Variants in TMEM212 observed in about 807,000 individuals in gnomAD.
The protein encoded by TMEM212 is transmembrane protein 212.
A neutral mutation model predicts 20.5 loss-of-function variants in TMEM212; 23 were observed. That is an observed-to-expected ratio of 1.12 (90% confidence interval 0.81 to 1.59). TMEM212 has a LOEUF of 1.59. Among genes scored for constraint, TMEM212 ranks in the 40% most tolerant of loss-of-function variants. The pLI is 0.00. For synonymous variants in TMEM212, 76 were observed against 81.6 expected (o/e 0.93, Z 0.37); for missense variants, 211 against 215.0 (o/e 0.98, Z 0.12).
chr3:171,851,910 G>T, intron 1 of TMEM212, 72 bp from the exon 2 acceptor site: 4 of 1,357,030 alleles, frequency 2.9e-6, no homozygotes, highest in Non-Finnish European at 4.1e-6. Flanking sequence ...TTGTCAAACT[G>T]TGAGACAGAT....
Position 171,843,487 on chromosome 3 carries a change from C to T in TMEM212, c.104C>T (p.Pro35Leu), listed in dbSNP as rs1451147196. 2.0e-6 allele frequency: 3 copies of T among 1,537,040 alleles called. No individual in the cohort carries two copies. The highest frequency in any genetic ancestry group is 2.6e-6 in the Non-Finnish European group (3 of 1,146,802). Residue 35 changes from proline (P) to leucine (L), a missense_variant, in exon 1 of 5, where the codon CCT (proline) becomes CTT (leucine). Pro to Leu is a moderately conservative substitution (Grantham distance 98). Transcript: ENST00000334567. ...TTCTTTCCTGTCTTTTCTTACAAGC[C>T]TTGGTTCACAGGATGGAGTGTTCGA... is the stretch of plus-strand genomic sequence containing the variant. The part of the protein sequence containing the change: ...IAFFPVFSYK[P>L]WFTGWSVRIA...
At chr3:171,846,767 T>A (rs1724844786) in intron 1 of TMEM212, among the ~76,000 whole-genome samples, 1 of 152,242 alleles carries the variant, frequency 6.6e-6, no homozygotes, top group Non-Finnish European at 1.5e-5. Flanking sequence ...GTTATGTTTT[T>A]TTACTAGTGA....
chr3:171,857,176 G>A (rs1725138402), intron 4 of TMEM212, among the ~76,000 whole-genome samples: 1 of 152,012 alleles, frequency 6.6e-6, no homozygotes, highest in African/African-American at 2.4e-5. Flanking sequence ...TATGCTAATG[G>A]AAATAATGGT....
intron 3 of TMEM212, among the ~76,000 whole-genome samples, chr3:171,856,008 A>G (rs1487741858): frequency 1.3e-5 from 2 of 152,188 alleles, no homozygotes; most frequent in African/African-American, 4.8e-5. Context: ...TACAAATAAA[A>G]CTAAATAAAG....
chr3:171,853,417 C>T (rs879039339), intron 2 of TMEM212, 110 bp from the exon 3 acceptor site: 3 of 779,278 alleles, frequency 3.8e-6, no homozygotes, highest in Non-Finnish European at 5.7e-6. Flanking sequence ...CCCTCATTTT[C>T]CAATAGGAGA....
intron 1 of TMEM212, among the ~76,000 whole-genome samples, chr3:171,847,564 T>C (rs966438065): frequency 7.9e-5 from 12 of 152,180 alleles, no homozygotes; most frequent in Admixed American, 2.0e-4. Flanking sequence ...TTATTCAGGA[T>C]TATTGCAATA....
At chr3:171,849,685 A>G (rs1724926713) in intron 1 of TMEM212, among the ~76,000 whole-genome samples, 2 of 152,154 alleles carry the variant, frequency 1.3e-5, no homozygotes, top group Admixed American at 1.3e-4. Context: ...GATACCTCTT[A>G]AAGTTTCTAT....
chr3:171,846,557 A>G (rs569642518), intron 1 of TMEM212, among the ~76,000 whole-genome samples: 2 of 152,222 alleles, frequency 1.3e-5, no homozygotes, highest in Non-Finnish European at 2.9e-5. Flanking sequence ...TTGTTCAATA[A>G]GTATTGTTGA....
intron 2 of TMEM212, among the ~76,000 whole-genome samples, 164 bp downstream of exon 2, chr3:171,852,205 A>AT (rs990488653): frequency 9.0e-4 from 132 of 146,294 alleles, no homozygotes; most frequent in Admixed American, 1.8e-3. Context: ...GTTTTAAAAG[A>AT]TTTTTTTTTT....
At chr3:171,850,892 C>T (rs1316795284) in intron 1 of TMEM212, among the ~76,000 whole-genome samples, 1 of 151,924 alleles carries the variant, frequency 6.6e-6, no homozygotes, top group Non-Finnish European at 1.5e-5. Context: ...TCTCTAAATC[C>T]AACATTCAAA....
At position 171,853,569 on chromosome 3, in the gene TMEM212, T is replaced by C. The variant is rs747683365; in HGVS notation, c.262T>C (p.Cys88Arg). The change falls in exon 3 of 5, where the codon TGT (cysteine) becomes CGT (arginine). Residue 88 changes from cysteine (C) to arginine (R), a missense_variant. Physicochemically the swap from Cys to Arg is radical, Grantham distance 180. Transcript: ENST00000334567. ...CTTTGTGATTCTGAGCATTATGGGA[T>C]GTCCACTTCATTTTGCAATAGCCTT... Reference protein sequence around the residue: ...FTFVILSIMGCPLHFAIALES... With the variant: ...FTFVILSIMGRPLHFAIALES... 2 of 1,537,188 alleles carry C rather than the reference T, an allele frequency of 1.3e-6. No individual in the cohort carries two copies. The highest frequency in any genetic ancestry group is 2.4e-5 in the South Asian group (2 of 84,064).
At chr3:171,856,090 G>A (rs949394706) in intron 3 of TMEM212, among the ~76,000 whole-genome samples, 1 of 152,112 alleles carries the variant, frequency 6.6e-6, no homozygotes, top group Non-Finnish European at 1.5e-5. Context: ...GTCAATATGG[G>A]GGAAGGCTAA....
chr3:171,854,377 A>G (rs1012033532), intron 3 of TMEM212, among the ~76,000 whole-genome samples: 14 of 152,204 alleles, frequency 9.2e-5, no homozygotes, highest in African/African-American at 2.9e-4. Flanking sequence ...TCTACACACT[A>G]ACAACAAACA....
intron 2 of TMEM212, among the ~76,000 whole-genome samples, chr3:171,852,428 T>A (rs987245701): frequency 5.3e-5 from 8 of 152,210 alleles, no homozygotes; most frequent in African/African-American, 1.9e-4. Flanking sequence ...CTCAAACTCC[T>A]GACCTCAGGT....
chr3:171,845,949 C>T (rs953375694), intron 1 of TMEM212, among the ~76,000 whole-genome samples: 1 of 152,192 alleles, frequency 6.6e-6, no homozygotes, highest in African/African-American at 2.4e-5. Context: ...CTAGTTAATA[C>T]TATGCCTTTC....
chr3:171,855,532 TG>T (rs1725094450), intron 3 of TMEM212, among the ~76,000 whole-genome samples: 1 of 152,196 alleles, frequency 6.6e-6, no homozygotes, highest in African/African-American at 2.4e-5. Context: ...GTGCCAGACC[TG>T]GATATCAAAA....
intron 1 of TMEM212, among the ~76,000 whole-genome samples, chr3:171,851,277 A>T (rs1202742827): frequency 6.6e-6 from 1 of 152,130 alleles, no homozygotes; most frequent in Non-Finnish European, 1.5e-5. Context: ...CCAGGAATAT[A>T]TTTTTTTCAT....
Position 171,852,057 on chromosome 3 carries a change from C to A in TMEM212, c.219+16C>A. 6.5e-7 allele frequency: 1 copy of A among 1,532,262 alleles called. No individual in the cohort carries two copies. Among genetic ancestry groups the A allele is most frequent in the Non-Finnish European group, 8.8e-7 (1 of 1,142,606 alleles). The allele number at this position is 1,532,262 out of a possible 1,614,324, so 94.9% of individuals were successfully genotyped here. ...GAGGTACCTGGTAAATATACCGATG[C>A]CAAGTAGGATGGTAGAGAGGCTTTG... On this transcript the variant is annotated intron_variant, in intron 2 of 4. Coordinates refer to ENST00000334567, the MANE Select transcript of TMEM212 (RefSeq NM_001164436.2).
chr3:171,846,289 C>A (rs1170660057), intron 1 of TMEM212, among the ~76,000 whole-genome samples: 5 of 152,168 alleles, frequency 3.3e-5, no homozygotes, highest in African/African-American at 1.2e-4. Flanking sequence ...AGGTTTGCTC[C>A]CATTACACTA....
Sources: gnomAD v4.1 joint callset for allele counts (sites outside exome capture counted in the v4.1 genomes callset) on GRCh38, gnomAD v4.1.1 for gene constraint, MANE v1.5 for transcripts, NCBI Gene and HGNC (gene_info 2026-07-23, HGNC 2026-07-21) for gene names.